The following SYNE1 variants were observed in gnomAD, a reference collection of about 807,000 sequenced individuals.
The protein encoded by SYNE1 is nesprin-1.
A neutral mutation model predicts 1,111.0 loss-of-function variants in SYNE1; 616 were observed. That is an observed-to-expected ratio of 0.55 (90% CI 0.52 to 0.59). SYNE1 has a LOEUF of 0.59. Ranked by LOEUF, SYNE1 falls within the 20% of genes least tolerant of loss-of-function variation. SYNE1 has a pLI of 0.00. For missense variants in SYNE1, 10,006 were observed against 10,417.0 expected (o/e 0.96, Z 1.72); for synonymous variants, 3,855 against 3,825.8 (o/e 1.01, Z -0.28).
chr6:152,363,502 TAAATAAATAAATA>T (rs1050210726), intron 63 of SYNE1, among the ~76,000 whole-genome samples: 5 of 4,202 alleles, frequency 1.2e-3, no homozygotes, highest in African/African-American at 1.6e-3. Flanking sequence ...TCAAACTAAA[TAAATAAATAAATA>T]AATAAATAAA....
At chr6:152,287,773 C>T (rs975753309) in intron 95 of SYNE1, among the ~76,000 whole-genome samples, 30 of 152,260 alleles carry the variant, frequency 2.0e-4, no homozygotes, top group African/African-American at 7.2e-4. Flanking sequence ...TCTTGAATTC[C>T]TAGGCTCAAG....
At chr6:152,378,285 T>C (rs1448692626) in intron 56 of SYNE1, among the ~76,000 whole-genome samples, 1 of 152,198 alleles carries the variant, frequency 6.6e-6, no homozygotes, top group Non-Finnish European at 1.5e-5. Context: ...ACCATTATTG[T>C]CTGATATTTG....
intron 130 of SYNE1, among the ~76,000 whole-genome samples, chr6:152,169,880 T>C (rs1451426699): frequency 3.9e-5 from 6 of 152,146 alleles, no homozygotes; most frequent in South Asian, 4.1e-4. Context: ...AAAGATATTG[T>C]ACTGTGAATT....
At chr6:152,449,386 A>C in intron 28 of SYNE1, 147 bp downstream of exon 28, 1 of 675,428 alleles carries the variant, frequency 1.5e-6, no homozygotes, top group South Asian at 1.7e-5. Context: ...CATGCTCCAC[A>C]GTAATATAAG....
chr6:152,143,198 C>T (rs2058829013), intron 138 of SYNE1, among the ~76,000 whole-genome samples: 1 of 152,146 alleles, frequency 6.6e-6, no homozygotes, highest in East Asian at 1.9e-4. Context: ...AAAACATTCC[C>T]AAGGTCATTC....
At chr6:152,368,255 G>A (rs1353854653) in intron 61 of SYNE1, 1 of 152,422 alleles carries the variant, frequency 6.6e-6, no homozygotes, top group African/African-American at 2.4e-5. Flanking sequence ...AAGGTTATAA[G>A]CCACATAAAG....
At position 152,324,496 on chromosome 6, in the gene SYNE1, G is replaced by A. The variant is rs549618841; in HGVS notation, c.15657+588C>T. ...AAGTATCTCATTCTTTTTCAAGGCC[G>A]TTAAGAAAGCAAATGGGCCGGGCGC... On this transcript the variant is annotated intron_variant, in intron 81 of 145. Coordinates refer to ENST00000367255, the MANE Select transcript of SYNE1 (RefSeq NM_182961.4). Among the ~76,000 whole-genome samples the A allele has an allele frequency of 1.9e-4, 29 of 151,982 alleles. No homozygotes were observed. In the South Asian group the frequency reaches 5.6e-3, roughly 29 times the overall value.
chr6:152,350,282 A>T lies in SYNE1; in HGVS notation c.11787T>A (p.Ser3929Arg), dbSNP rs144999614. ...AKVKDHEDYN[S>R]ELQEVEKWLL... is the part of the protein sequence containing the mutation. ...GCCACTTTTCGACCTCTTGGAGCTCACTGTTGTAGTCTTCATGGTCTTTGA... is the reference window on the plus strand; with the variant it reads ...GCCACTTTTCGACCTCTTGGAGCTCTCTGTTGTAGTCTTCATGGTCTTTGA... Residue 3929 changes from serine to arginine, a missense_variant, in exon 72 of 146, where the codon AGT becomes AGA. Transcript: ENST00000367255. 3.1e-6 allele frequency: 5 copies of T among 1,613,972 alleles called. No individual in the cohort carries two copies. The highest frequency in any genetic ancestry group is 4.2e-6 in the Non-Finnish European group (5 of 1,180,028).
intron 43 of SYNE1, 23 bp downstream of exon 43, chr6:152,409,536 C>T (rs756987792): frequency 1.9e-6 from 3 of 1,612,272 alleles, no homozygotes; most frequent in Non-Finnish European, 2.5e-6. Flanking sequence ...AGAATACCAA[C>T]ATAAACACAT....
chr6:152,365,040 G>C, intron 62 of SYNE1, 21 bp from the exon 63 acceptor site: 3 of 1,613,956 alleles, frequency 1.9e-6, no homozygotes, highest in Non-Finnish European at 2.5e-6. Flanking sequence ...ACATACAGAA[G>C]TCCTTTGTCA....
chr6:152,431,401 C>T (rs920697746), intron 34 of SYNE1, among the ~76,000 whole-genome samples: 3 of 152,130 alleles, frequency 2.0e-5, no homozygotes, highest in Non-Finnish European at 4.4e-5. Context: ...GAGAAAAGCC[C>T]ACATACTGTC....
Position 152,416,688 on chromosome 6 carries a change from T to C in SYNE1, c.5749A>G (p.Lys1917Glu). The change falls in exon 41 of 146, where the codon AAA (lysine) becomes GAA (glutamate). Residue 1917 changes from lysine to glutamate, a missense_variant. Lys to Glu is a moderately conservative substitution (Grantham distance 56). This residue lies in a region of SYNE1 where 4,955 missense variants were observed against 5,017.2 expected (regional missense o/e 0.99). Coordinates refer to ENST00000367255, the MANE Select transcript of SYNE1 (RefSeq NM_182961.4). ...CTGACGGCAGCAGATTCTAATGCTT[T>C]AGCATTTTGAAGAGCATCATTGAGG... is the stretch of plus-strand genomic sequence containing the variant. Reference protein sequence around the residue: ...KDLNDALQNAKALESAAVSLD... With the variant: ...KDLNDALQNAEALESAAVSLD... 2 of 1,614,254 alleles carry C rather than the reference T, an allele frequency of 1.2e-6. No individual in the cohort carries two copies. The highest frequency in any genetic ancestry group is 1.7e-6 in the Non-Finnish European group (2 of 1,180,040).
intron 10 of SYNE1, 121 bp downstream of exon 10, chr6:152,502,512 A>T: frequency 1.3e-6 from 1 of 785,636 alleles, no homozygotes; most frequent in Non-Finnish European, 2.2e-6. Context: ...ATAGCTTTTT[A>T]AAATCAGTTG....
chr6:152,282,282 A>T (rs2094079702), intron 96 of SYNE1, among the ~76,000 whole-genome samples: 1 of 152,232 alleles, frequency 6.6e-6, no homozygotes, highest in South Asian at 2.1e-4. Context: ...GAAATCAGTC[A>T]AGGATTAGAA....
chr6:152,321,481 A>G (rs1034597463), intron 83 of SYNE1, 91 bp from the exon 84 acceptor site: 2 of 1,470,360 alleles, frequency 1.4e-6, no homozygotes, highest in African/African-American at 2.8e-5. Flanking sequence ...ACATATAATT[A>G]AGTGTGGAAT....
intron 127 of SYNE1, among the ~76,000 whole-genome samples, chr6:152,199,824 A>G (rs975095663): frequency 2.0e-5 from 3 of 152,200 alleles, no homozygotes; most frequent in African/African-American, 7.2e-5. Flanking sequence ...TGCTAAGGGC[A>G]GTTTGGGGAA....
intron 4 of SYNE1, among the ~76,000 whole-genome samples, chr6:152,530,310 G>A (rs1289687603): frequency 6.6e-6 from 1 of 152,066 alleles, no homozygotes; most frequent in Non-Finnish European, 1.5e-5. Context: ...AACAAAATGA[G>A]GCACAACTGA....
At chr6:152,373,494 A>C (rs2097223336) in intron 58 of SYNE1, among the ~76,000 whole-genome samples, 1 of 151,964 alleles carries the variant, frequency 6.6e-6, no homozygotes, top group Non-Finnish European at 1.5e-5. Context: ...GTTGGCCAGG[A>C]TGGTCTTGAT....
chr6:152,439,960 G>C (rs538266881), intron 32 of SYNE1, among the ~76,000 whole-genome samples: 3 of 152,148 alleles, frequency 2.0e-5, no homozygotes, highest in African/African-American at 7.2e-5. Context: ...TCTCAAAATC[G>C]CTACCTCCAA....
Sources: gnomAD v4.1 joint callset for allele counts (sites outside exome capture counted in the v4.1 genomes callset) on GRCh38, gnomAD v4.1.1 for gene constraint, gnomAD v4.1.1 regional missense constraint, MANE v1.5 for transcripts, NCBI Gene and HGNC (gene_info 2026-07-23, HGNC 2026-07-21) for gene names.